Variants in SNAP29 observed in about 807,000 individuals in gnomAD.
SNAP29 encodes the protein synaptosome associated protein 29.
In SNAP29, 13 loss-of-function variants were observed where a neutral mutation model predicts 27.9. That is an observed-to-expected ratio of 0.47 (90% CI 0.30 to 0.74). The LOEUF (loss-of-function observed/expected upper bound fraction) is 0.74. Ranked by LOEUF, SNAP29 falls within the 30% of genes least tolerant of loss-of-function variation. SNAP29 has a pLI of 0.06. For missense variants in SNAP29, 368 were observed against 336.5 expected (o/e 1.09, Z -0.73); for synonymous variants, 119 against 127.1 (o/e 0.94, Z 0.43).
chr22:20,870,363 G>A lies in SNAP29; in HGVS notation c.264G>A (p.Leu88=). ...AGCTCGCCCGTCAGCGAGGAGTCCT[G>A]GAGCGCACAGAGAAGATGGTGGACA... is the stretch of plus-strand genomic sequence containing the variant. ...SEELARQRGV[L]ERTEKMVDKM... Residue 88 remains leucine, a synonymous_variant, in exon 2 of 5, where the codon CTG becomes CTA. Coordinates refer to ENST00000215730, the MANE Select transcript of SNAP29 (RefSeq NM_004782.4). The A allele has an allele frequency of 6.2e-7, 1 of 1,614,102 alleles. No homozygotes were observed. Among genetic ancestry groups the A allele is most frequent in the Admixed American group, 1.7e-5 (1 of 60,010 alleles).
intron 4 of SNAP29, among the ~76,000 whole-genome samples, chr22:20,885,149 A>G (rs1285481112): frequency 1.3e-5 from 2 of 152,092 alleles, no homozygotes; most frequent in Non-Finnish European, 2.9e-5. Context: ...CAGTTCTGTG[A>G]GTTTATTCTA....
chr22:20,861,202 C>T (rs1928310644), intron 1 of SNAP29, among the ~76,000 whole-genome samples: 1 of 149,772 alleles, frequency 6.7e-6, no homozygotes, highest in African/African-American at 2.5e-5. Flanking sequence ...ACTACAGCCT[C>T]CGCCTCCTGG....
At position 20,881,066 on chromosome 22, in the gene SNAP29, G is replaced by A. The variant is rs1928879679; in HGVS notation, c.452G>A (p.Ser151Asn). 1 of 1,611,858 alleles carries A rather than the reference G, an allele frequency of 6.2e-7. No homozygotes were observed. Among genetic ancestry groups the A allele is most frequent in the African/African-American group, 1.3e-5 (1 of 74,996 alleles). The part of the protein sequence containing the change: ...QPNNRLKEAI[S>N]TSKEQEAKYQ... ...ATCCAAAGATTGAAAGAAGCTATAA[G>A]TACAAGTAAAGAACAGGAAGCAAAG... The change falls in exon 3 of 5, where the codon AGT becomes AAT. Residue 151 changes from serine (S) to asparagine (N), a missense_variant. Coordinates refer to ENST00000215730, the MANE Select transcript of SNAP29 (RefSeq NM_004782.4).
intron 4 of SNAP29, among the ~76,000 whole-genome samples, chr22:20,885,650 T>C (rs546695536): frequency 2.6e-5 from 4 of 152,152 alleles, no homozygotes; most frequent in Non-Finnish European, 4.4e-5. Context: ...GAAGAAGTGC[T>C]GAGTACTGCC....
chr22:20,882,994 ATTTCT>A (rs1215395498), intron 3 of SNAP29, among the ~76,000 whole-genome samples: 2 of 144,096 alleles, frequency 1.4e-5, no homozygotes, highest in Non-Finnish European at 3.0e-5. Context: ...ATTATTTAAC[ATTTCT>A]TTTTTTTTTT....
intron 1 of SNAP29, among the ~76,000 whole-genome samples, chr22:20,865,886 T>A (rs530714548): frequency 6.6e-6 from 1 of 152,230 alleles, no homozygotes; most frequent in East Asian, 1.9e-4. Context: ...TAAGCCTGGG[T>A]GTCCAGAGTT....
At chr22:20,876,085 C>T (rs1325079233) in intron 2 of SNAP29, among the ~76,000 whole-genome samples, 7 of 150,514 alleles carry the variant, frequency 4.7e-5, no homozygotes, top group African/African-American at 9.8e-5. Context: ...GGCATGAACC[C>T]GGGAGGTGGA....
rs1219924578 is a variant in SNAP29, at chr22:20,890,284, T to C, written c.*2448T>C. On this transcript the variant is annotated 3_prime_UTR_variant, in exon 5 of 5. Transcript: ENST00000215730. ...TGGGATCGACAAAAAAATGCTACCC[T>C]CTAGACTAGACACATTTCATGGAGA... 2.5e-6 allele frequency: 1 copy of C among 398,436 alleles called. No homozygotes were observed. Among genetic ancestry groups the C allele is most frequent in the Non-Finnish European group, 4.4e-6 (1 of 226,066 alleles). The allele number at this position is 398,436 out of a possible 1,614,324, so 24.7% of individuals were successfully genotyped here. A position where few individuals can be genotyped will look rare whatever the true frequency, so the allele number is the denominator to read the frequency against.
At chr22:20,860,640 G>A (rs1928278719) in intron 1 of SNAP29, among the ~76,000 whole-genome samples, 1 of 151,942 alleles carries the variant, frequency 6.6e-6, no homozygotes, top group Admixed American at 6.6e-5. Flanking sequence ...CAAAGGGCTG[G>A]GATTACAGGC....
chr22:20,883,375 C>G, intron 3 of SNAP29, 96 bp from the exon 4 acceptor site: 2 of 842,152 alleles, frequency 2.4e-6, no homozygotes, highest in Non-Finnish European at 4.1e-6. Flanking sequence ...TTCGTTCCTT[C>G]CACCCATTTT....
At chr22:20,885,220 G>T (rs1001658013) in intron 4 of SNAP29, among the ~76,000 whole-genome samples, 3 of 152,084 alleles carry the variant, frequency 2.0e-5, no homozygotes, top group Non-Finnish European at 4.4e-5. Flanking sequence ...AATCTCCCCC[G>T]TGGTGACCTG....
chr22:20,866,671 G>A (rs1290028098), intron 1 of SNAP29, among the ~76,000 whole-genome samples: 2 of 152,136 alleles, frequency 1.3e-5, no homozygotes, highest in African/African-American at 4.8e-5. Context: ...CCTGTGGGTA[G>A]CCCCGCTCAC....
At chr22:20,868,282 A>G (rs972427453) in intron 1 of SNAP29, among the ~76,000 whole-genome samples, 1 of 149,510 alleles carries the variant, frequency 6.7e-6, no homozygotes, top group African/African-American at 2.6e-5. Context: ...TTTTTTACTT[A>G]AAAAAGGCTG....
intron 2 of SNAP29, among the ~76,000 whole-genome samples, chr22:20,880,808 A>T (rs569146419): frequency 6.6e-6 from 1 of 152,212 alleles, no homozygotes; most frequent in East Asian, 1.9e-4. Context: ...GATTACAGGC[A>T]TGAGTCACCA....
Position 20,888,301 on chromosome 22 carries a change from G to T in SNAP29, c.*465G>T. 1 of 245,178 alleles carries T rather than the reference G, an allele frequency of 4.1e-6. No homozygotes were observed. Among genetic ancestry groups the T allele is most frequent in the South Asian group, 4.4e-5 (1 of 22,566 alleles). The allele number at this position is 245,178 out of a possible 1,614,324, so 15.2% of individuals were successfully genotyped here. ...GGGTCCTTCCCACACCTTTGTTTAG[G>T]AGTCATCATTCACACACACACACAC... On this transcript the variant is annotated 3_prime_UTR_variant, in exon 5 of 5. Coordinates refer to ENST00000215730, the MANE Select transcript of SNAP29 (RefSeq NM_004782.4).
At chr22:20,880,127 G>A (rs1928856758) in intron 2 of SNAP29, among the ~76,000 whole-genome samples, 1 of 152,130 alleles carries the variant, frequency 6.6e-6, no homozygotes, top group Admixed American at 6.6e-5. Flanking sequence ...GGTGCACATG[G>A]TCATCTCTAA....
chr22:20,884,766 A>ATGTTTTGTTTTGTTTTGTTTTGTTT (rs361756), intron 4 of SNAP29, among the ~76,000 whole-genome samples: 2 of 150,906 alleles, frequency 1.3e-5, no homozygotes, highest in Middle Eastern at 3.4e-3. Flanking sequence ...CTTAGTGATT[A>ATGTTTTGTTTTGTTTTGTTTTGTTT]TGTTTTGTTT....
At chr22:20,870,767 A>G (rs1928571963) in intron 2 of SNAP29, 1 of 591,916 alleles carries the variant, frequency 1.7e-6, no homozygotes, top group South Asian at 1.9e-5. Context: ...TTGTGACCCC[A>G]CTACTTTGAA....
chr22:20,859,379 C>G (rs1323314849), intron 1 of SNAP29, 32 bp downstream of exon 1: 3 of 1,430,992 alleles, frequency 2.1e-6, no homozygotes, highest in Admixed American at 1.7e-5. Context: ...TGTGGACTCG[C>G]CGGTCTCTGT....
Sources: allele counts gnomAD v4.1 joint callset (sites outside exome capture counted in the v4.1 genomes callset), GRCh38; gene constraint gnomAD v4.1.1; transcripts MANE v1.5; gene names NCBI Gene and HGNC (gene_info 2026-07-23, HGNC 2026-07-21).